The following GFI1B variants were observed in gnomAD, a reference collection of about 807,000 sequenced individuals.
GFI1B encodes the protein zinc finger protein Gfi-1b.
A neutral mutation model predicts 35.3 loss-of-function variants in GFI1B; 20 were observed. The ratio of observed to expected loss-of-function variants is 0.57; its 90% CI spans 0.40 to 0.82. GFI1B has a LOEUF of 0.82. Ranked by LOEUF, GFI1B falls within the 40% of genes least tolerant of loss-of-function variation. The pLI, the probability that GFI1B is intolerant of heterozygous loss-of-function variation, is 0.00. For synonymous variants in GFI1B, 178 were observed against 177.6 expected, an observed-to-expected ratio of 1.00 and a Z score of -0.02; for missense variants, 430 against 446.3, an observed-to-expected ratio of 0.96 and a Z score of 0.33.
rs369095339 is a variant in GFI1B at position 132,991,019 on chromosome 9, G to T, written c.962G>T (p.Arg321Leu). 1.9e-6 allele frequency: 3 copies of T among 1,614,036 alleles called. No homozygotes were observed. The highest frequency in any genetic ancestry group is 2.5e-6 in the Non-Finnish European group (3 of 1,179,958). The change falls in exon 7 of 7, where the codon CGG becomes CTG. Residue 321 changes from arginine (R) to leucine (L), a missense_variant. Physicochemically the swap from Arg to Leu is moderately radical, Grantham distance 102. Coordinates refer to ENST00000372122, the MANE Select transcript of GFI1B (RefSeq NM_001377304.1). ...TTCCAGCGCAAGGTGGACCTGCGGCGGCACCGCGAGAGCCAGCACAATCTC... is the reference window on the plus strand; with the variant it reads ...TTCCAGCGCAAGGTGGACCTGCGGCTGCACCGCGAGAGCCAGCACAATCTC... ...KGFQRKVDLR[R>L]HRESQHNLK
rs1032563679 is a variant in GFI1B at position 132,989,319 on chromosome 9, G to T, written c.648+121G>T. ...CCTGGGGGTGACACAGATTGGGAGGGGTCCCCTAGTACCCACCTCCCTGGG... is the reference window on the plus strand; with the variant it reads ...CCTGGGGGTGACACAGATTGGGAGGTGTCCCCTAGTACCCACCTCCCTGGG... On this transcript the variant is annotated intron_variant, in intron 5 of 6. Coordinates refer to ENST00000372122, the MANE Select transcript of GFI1B (RefSeq NM_001377304.1). This position sits in a 1 kb window ranked among gnomAD's most constrained non-coding sequence, Gnocchi z 6.2. The T allele has an allele frequency of 3.5e-5, 35 of 996,276 alleles. No individual in the cohort carries two copies. The highest frequency in any genetic ancestry group is 5.1e-5 in the Non-Finnish European group (33 of 648,604). The allele number at this position is 996,276 out of a possible 1,614,324, so 61.7% of individuals were successfully genotyped here. A position where few individuals can be genotyped will look rare whatever the true frequency, so the allele number is the denominator to read the frequency against.
chr9:132,967,963 G>A (rs965247391), intron 1 of GFI1B, among the ~76,000 whole-genome samples: 1 of 151,966 alleles, frequency 6.6e-6, no homozygotes, highest in Admixed American at 6.6e-5. Context: ...TATATTTTTA[G>A]TAGAGATGGG....
At chr9:132,962,375 G>A in intron 1 of GFI1B, 1 of 233,340 alleles carries the variant, frequency 4.3e-6, no homozygotes, top group South Asian at 5.5e-5. Context: ...CTGACCTCAG[G>A]TGATCCGCTC....
At chr9:132,993,007 A>C (rs867123185), downstream of GFI1B, among the ~76,000 whole-genome samples, 1 of 151,388 alleles carries the variant, frequency 6.6e-6, no homozygotes, top group Non-Finnish European at 1.5e-5. Context: ...TAAAAAAAAA[A>C]CACAGATATG....
At chr9:132,992,434 G>C (rs1888204), downstream of GFI1B, among the ~76,000 whole-genome samples, 39,523 of 151,960 alleles carry the variant, frequency 0.26, 5,789 homozygotes, top group East Asian at 0.37. Context: ...TGCCACACCT[G>C]TCTAGCTGTG....
chr9:132,991,838 C>T (rs967231493), downstream of GFI1B, among the ~76,000 whole-genome samples: 18 of 151,986 alleles, frequency 1.2e-4, no homozygotes, highest in African/African-American at 1.7e-4. Flanking sequence ...TCAGCCCCCA[C>T]GTGCACAGAC....
At chr9:132,950,287 T>C (rs1330578812) in intron 1 of GFI1B, among the ~76,000 whole-genome samples, 1 of 152,134 alleles carries the variant, frequency 6.6e-6, no homozygotes, top group Non-Finnish European at 1.5e-5. Flanking sequence ...CAATGTGATC[T>C]CCACCAGGAA....
Position 132,989,989 on chromosome 9 carries a change from T to A in GFI1B, c.814+82T>A. 1.6e-6 allele frequency: 2 copies of A among 1,265,678 alleles called. No homozygotes were observed. The highest frequency in any genetic ancestry group is 2.3e-6 in the Non-Finnish European group (2 of 877,714). 78.4% of individuals were successfully genotyped at this position (1,265,678 alleles called of 1,614,324 possible). On this transcript the variant is annotated intron_variant, in intron 6 of 6. Transcript: ENST00000372122. This position sits in a 1 kb window ranked among gnomAD's most constrained non-coding sequence, Gnocchi z 6.2. ...AGAGATGCATCAGAGGCCCCCAGCG[T>A]GAGGCTGGGGGCGGGGTCTAGTTAC...
intron 1 of GFI1B, among the ~76,000 whole-genome samples, chr9:132,970,510 G>T (rs554967324): frequency 3.3e-5 from 5 of 152,182 alleles, no homozygotes; most frequent in African/African-American, 1.2e-4. Context: ...CCATGGCCAC[G>T]CTTCCTGATC....
Position 132,988,419 on chromosome 9 carries a change from T to G in GFI1B, c.461T>G (p.Leu154Arg). ...PSTEPALDFS[L>R]RYSPGMDAYH... is the part of the protein sequence containing the mutation. ...ACTGAGCCCGCCTTGGACTTCAGCC[T>G]CCGCTACTCCCCAGGCATGGATGCG... The change falls in exon 4 of 7, where the codon CTC (leucine) becomes CGC (arginine). Residue 154 changes from leucine to arginine, a missense_variant. Physicochemically the swap from Leu to Arg is moderately radical, Grantham distance 102 (BLOSUM62 -2). Coordinates refer to ENST00000372122, the MANE Select transcript of GFI1B (RefSeq NM_001377304.1). The G allele has an allele frequency of 6.2e-7, 1 of 1,614,076 alleles. No homozygotes were observed. Among genetic ancestry groups the G allele is most frequent in the Non-Finnish European group, 8.5e-7 (1 of 1,180,004 alleles).
chr9:132,982,518 G>A (rs977065803), intron 1 of GFI1B, among the ~76,000 whole-genome samples: 3 of 152,210 alleles, frequency 2.0e-5, no homozygotes, highest in Non-Finnish European at 4.4e-5. Flanking sequence ...GGGGGTTATG[G>A]AGTGATAACA....
chr9:132,966,157 G>C (rs147927247), intron 1 of GFI1B, among the ~76,000 whole-genome samples: 94 of 152,252 alleles, frequency 6.2e-4, no homozygotes, highest in African/African-American at 1.4e-3. Flanking sequence ...TCAGGAGTTT[G>C]AGACCAGCCT....
chr9:132,982,550 C>T (rs866062032), intron 1 of GFI1B, among the ~76,000 whole-genome samples: 1 of 152,164 alleles, frequency 6.6e-6, no homozygotes, highest in African/African-American at 2.4e-5. Flanking sequence ...TCCGGAGGTC[C>T]GATACCATCA....
At chr9:132,980,815 G>A (rs1055353220) in intron 1 of GFI1B, among the ~76,000 whole-genome samples, 1 of 152,112 alleles carries the variant, frequency 6.6e-6, no homozygotes, top group Admixed American at 6.5e-5. Flanking sequence ...AATCCTTCAG[G>A]TTCATCCATG....
intron 1 of GFI1B, among the ~76,000 whole-genome samples, chr9:132,966,194 A>G (rs978866135): frequency 6.6e-6 from 1 of 152,076 alleles, no homozygotes; most frequent in African/African-American, 2.4e-5. Context: ...CCCCATCTCT[A>G]CAAGAAATAA....
At chr9:132,948,546 G>C (rs1848155262) in intron 1 of GFI1B, among the ~76,000 whole-genome samples, 1 of 152,334 alleles carries the variant, frequency 6.6e-6, no homozygotes, top group South Asian at 2.1e-4. Flanking sequence ...CTCTGTGCCC[G>C]AAGTTCATCC....
chr9:132,949,446 G>A (rs976692361), intron 1 of GFI1B, among the ~76,000 whole-genome samples: 3 of 152,090 alleles, frequency 2.0e-5, no homozygotes, highest in East Asian at 1.9e-4. Context: ...AATTAGAACC[G>A]AGAGACCCCA....
In GFI1B at chr9:132,988,260, T is replaced by C; in HGVS notation, c.302T>C (p.Phe101Ser). The change falls in exon 4 of 7, where the codon TTC becomes TCC. Residue 101 changes from phenylalanine (F) to serine (S), a missense_variant. Transcript: ENST00000372122. ...TCTCCACTGTCCGACTCACCCCCAT[T>C]CTACAAGCCTAGCTTCTCCTGGGAC... ...GDSPLSDSPP[F>S]YKPSFSWDTL... 1 of 1,613,978 alleles carries C rather than the reference T, an allele frequency of 6.2e-7. No homozygotes were observed.
At chr9:132,949,322 GATACACACACACACACAC>G (rs1246124579) in intron 1 of GFI1B, among the ~76,000 whole-genome samples, 3 of 139,754 alleles carry the variant, frequency 2.1e-5, no homozygotes, top group African/African-American at 2.7e-5. Context: ...CAAACCCACA[GATACACACACACACACAC>G]ATACACACAC....
Sources: allele counts gnomAD v4.1 joint callset (sites outside exome capture counted in the v4.1 genomes callset), GRCh38; gene constraint gnomAD v4.1.1; non-coding constraint Gnocchi (gnomAD v3.1); transcripts MANE v1.5; gene names NCBI Gene and HGNC (gene_info 2026-07-23, HGNC 2026-07-21).